Variants in DGKI observed in about 807,000 individuals in gnomAD.
DGKI encodes the protein DAG kinase iota.
DGKI carries 55 observed loss-of-function variants against 147.5 expected under a neutral mutation model. The ratio of observed to expected loss-of-function variants is 0.37; its 90% CI spans 0.30 to 0.47. The LOEUF (loss-of-function observed/expected upper bound fraction) is 0.47. DGKI is among the 20% of genes least tolerant of loss of function. DGKI has a pLI of 1.00. For missense variants in DGKI, 1,007 were observed against 1,323.8 expected (o/e 0.76, Z 3.71); for synonymous variants, 469 against 477.1 (o/e 0.98, Z 0.22).
intron 1 of DGKI, among the ~76,000 whole-genome samples, chr7:137,750,174 G>T (rs185954329): frequency 6.6e-6 from 1 of 152,156 alleles, no homozygotes; most frequent in African/African-American, 2.4e-5. Context: ...TACCCTTGTC[G>T]TAGAGGAGCC....
At chr7:137,828,304 T>C (rs1398105368) in intron 1 of DGKI, among the ~76,000 whole-genome samples, 1 of 152,272 alleles carries the variant, frequency 6.6e-6, no homozygotes, top group Non-Finnish European at 1.5e-5. Context: ...GTGCTTGAAA[T>C]AGTGTTTTGC....
At chr7:137,620,012 TACACACGCACACACAC>T in intron 7 of DGKI, 72 bp from the exon 8 acceptor site, 5 of 715,018 alleles carry the variant, frequency 7.0e-6, no homozygotes, top group African/African-American at 2.3e-5. Context: ...GATAAATATG[TACACACGCACACACAC>T]ACACACACAC....
chr7:137,706,477 C>CTTATTTTATT (rs147205940), intron 1 of DGKI, among the ~76,000 whole-genome samples: 6,148 of 147,548 alleles, frequency 0.042, 409 homozygotes, highest in African/African-American at 0.14. Context: ...CCAAAACATC[C>CTTATTTTATT]TTATTTTATT....
chr7:137,427,275 C>T (rs1297864585), intron 28 of DGKI, among the ~76,000 whole-genome samples: 4 of 152,172 alleles, frequency 2.6e-5, no homozygotes, highest in Admixed American at 2.6e-4. Context: ...TACATGGAAA[C>T]TGAACAACCT....
At position 137,462,762 on chromosome 7, in the gene DGKI, C is replaced by A. The variant is rs111265893; in HGVS notation, c.2735+727G>T. On this transcript the variant is annotated intron_variant, in intron 27 of 32. Coordinates refer to ENST00000614521, the MANE Select transcript of DGKI (RefSeq NM_001321708.2). ...CATGAACACACTGGATTTGCATAAC[C>A]TCTGAGATGGATTGATTGGCCTGAA... Among the ~76,000 whole-genome samples the A allele has an allele frequency of 7.5e-4, 114 of 152,266 alleles. 1 individual carries two copies. Among genetic ancestry groups the A allele is most frequent in the African/African-American group, 2.0e-3 (81 of 41,532 alleles).
At chr7:137,450,772 T>C in intron 27 of DGKI, among the ~76,000 whole-genome samples, 1 of 151,200 alleles carries the variant, frequency 6.6e-6, no homozygotes, top group Non-Finnish European at 1.5e-5. Context: ...TTTAATTATA[T>C]ACATATCTTT....
At chr7:137,576,881 ACC>A (rs1818999609) in intron 17 of DGKI, among the ~76,000 whole-genome samples, 1 of 152,156 alleles carries the variant, frequency 6.6e-6, no homozygotes, top group Non-Finnish European at 1.5e-5. Flanking sequence ...GGTCTTCCTG[ACC>A]CCACCATAGT....
chr7:137,807,111 G>A (rs934671772), intron 1 of DGKI, among the ~76,000 whole-genome samples: 1 of 152,206 alleles, frequency 6.6e-6, no homozygotes, highest in African/African-American at 2.4e-5. Context: ...TTACGAGATA[G>A]TTTATTTTAT....
chr7:137,566,553 A>C (rs1818592369), intron 19 of DGKI, among the ~76,000 whole-genome samples: 1 of 152,186 alleles, frequency 6.6e-6, no homozygotes, highest in African/African-American at 2.4e-5. Context: ...AATTAGAGTC[A>C]CTGGAATCTG....
intron 1 of DGKI, among the ~76,000 whole-genome samples, chr7:137,835,440 C>T (rs569304000): frequency 1.3e-4 from 20 of 152,212 alleles, no homozygotes; most frequent in African/African-American, 4.6e-4. Flanking sequence ...TTTCTGGAGA[C>T]CTGAAATGCA....
chr7:137,653,959 C>T (rs948551575), intron 5 of DGKI, among the ~76,000 whole-genome samples: 4 of 152,156 alleles, frequency 2.6e-5, no homozygotes, highest in Admixed American at 6.5e-5. Flanking sequence ...AATTTTGGGC[C>T]TGGAGCTTAA....
chr7:137,772,459 C>A (rs1304578327), intron 1 of DGKI, among the ~76,000 whole-genome samples: 1 of 152,036 alleles, frequency 6.6e-6, no homozygotes, highest in Admixed American at 6.6e-5. Flanking sequence ...ACTGGGCCTA[C>A]TTAAGGGAGG....
At chr7:137,425,143 A>G (rs1229052483) in intron 28 of DGKI, among the ~76,000 whole-genome samples, 1 of 152,104 alleles carries the variant, frequency 6.6e-6, no homozygotes, top group Non-Finnish European at 1.5e-5. Context: ...GCTGGGAGGC[A>G]CCCCCCAGTA....
chr7:137,469,037 T>C (rs1349820143), intron 24 of DGKI, among the ~76,000 whole-genome samples: 1 of 152,128 alleles, frequency 6.6e-6, no homozygotes, highest in Non-Finnish European at 1.5e-5. Context: ...CATTAAACAA[T>C]CATAAGATAA....
At chr7:137,721,260 G>T (rs1794548292) in intron 1 of DGKI, among the ~76,000 whole-genome samples, 1 of 152,164 alleles carries the variant, frequency 6.6e-6, no homozygotes, top group South Asian at 2.1e-4. Flanking sequence ...ATCCTACAAT[G>T]AATGTCTTTC....
chr7:137,576,835 CTTCAAGACCCAGCTAACATCA>C (rs1243354047), intron 17 of DGKI, among the ~76,000 whole-genome samples: 3 of 152,200 alleles, frequency 2.0e-5, no homozygotes, highest in Non-Finnish European at 4.4e-5. Context: ...CCGATTTATG[CTTCAAGACCCAGCTAACATCA>C]TTTTTTTTTA....
chr7:137,427,528 G>A (rs1292587725), intron 28 of DGKI, among the ~76,000 whole-genome samples: 3 of 152,142 alleles, frequency 2.0e-5, no homozygotes, highest in Non-Finnish European at 2.9e-5. Context: ...AAAGCTAGCA[G>A]AAGGCAAGAA....
At chr7:137,656,020 C>T (rs983431684) in intron 4 of DGKI, among the ~76,000 whole-genome samples, 7 of 152,200 alleles carry the variant, frequency 4.6e-5, no homozygotes, top group Non-Finnish European at 8.8e-5. Context: ...GAGTGAGAGC[C>T]GGCTTCCAGC....
chr7:137,471,182 T>C (rs1814868606), intron 23 of DGKI, among the ~76,000 whole-genome samples: 1 of 152,142 alleles, frequency 6.6e-6, no homozygotes, highest in Non-Finnish European at 1.5e-5. Flanking sequence ...TTGAAATCAC[T>C]GACAGAAATG....
Sources: allele counts gnomAD v4.1 joint callset (sites outside exome capture counted in the v4.1 genomes callset), GRCh38; gene constraint gnomAD v4.1.1; transcripts MANE v1.5; gene names NCBI Gene and HGNC (gene_info 2026-07-23, HGNC 2026-07-21).